UBE3C: variants seen among roughly 807,000 people sequenced by gnomAD.
UBE3C encodes ubiquitin-protein ligase E3C.
A neutral mutation model predicts 129.4 loss-of-function variants in UBE3C; 42 were observed. That is an observed-to-expected ratio of 0.32 (90% CI 0.25 to 0.42). UBE3C has a LOEUF of 0.42. Among genes scored for constraint, UBE3C ranks in the 10% least tolerant of loss-of-function variants. UBE3C has a pLI of 1.00. For synonymous variants in UBE3C, 510 were observed against 492.4 expected (o/e 1.04, Z -0.47); for missense variants, 1,049 against 1,319.1 (o/e 0.80, Z 3.17).
At chr7:157,195,816 A>G (rs1323673970) in intron 10 of UBE3C, among the ~76,000 whole-genome samples, 2 of 152,172 alleles carry the variant, frequency 1.3e-5, no homozygotes, top group African/African-American at 4.8e-5. Context: ...CCTATGAGTG[A>G]CGTAAATTTA....
chr7:157,208,054 ACTTTTT>A, intron 13 of UBE3C, 119 bp downstream of exon 13: 1 of 114,762 alleles, frequency 8.7e-6, no homozygotes, highest in Non-Finnish European at 1.8e-5. Context: ...AATTTGCAAG[ACTTTTT>A]TTTTTTTTTT....
chr7:157,251,541 GGT>G (rs1796620455), intron 19 of UBE3C, among the ~76,000 whole-genome samples: 4 of 152,254 alleles, frequency 2.6e-5, no homozygotes, highest in African/African-American at 9.6e-5. Context: ...ATCTCAGACG[GGT>G]GTGAGTGCCG....
intron 3 of UBE3C, among the ~76,000 whole-genome samples, 183 bp from the exon 4 acceptor site, chr7:157,170,121 T>TG (rs1808325425): frequency 2.6e-5 from 4 of 151,782 alleles, no homozygotes; most frequent in African/African-American, 9.7e-5. Context: ...TGCCTGGTTT[T>TG]TTTTTTTTTT....
chr7:157,248,875 G>A (rs1392521539), intron 19 of UBE3C, among the ~76,000 whole-genome samples: 1 of 152,146 alleles, frequency 6.6e-6, no homozygotes, highest in African/African-American at 2.4e-5. Context: ...TCTTCCCGGT[G>A]CTGGGGGTGG....
chr7:157,263,426 G>A (rs1241528807), intron 22 of UBE3C, among the ~76,000 whole-genome samples: 3 of 152,200 alleles, frequency 2.0e-5, no homozygotes, highest in African/African-American at 7.2e-5. Flanking sequence ...CACTTTGGGA[G>A]GCTGAGGCGG....
intron 13 of UBE3C, among the ~76,000 whole-genome samples, chr7:157,208,859 A>T (rs986174458): frequency 1.3e-5 from 2 of 152,206 alleles, no homozygotes; most frequent in Non-Finnish European, 2.9e-5. Flanking sequence ...ACATCTAGTC[A>T]GCTAAAATTG....
intron 18 of UBE3C, among the ~76,000 whole-genome samples, chr7:157,235,778 ACTCT>A (rs1194587252): frequency 6.6e-6 from 1 of 152,284 alleles, no homozygotes; most frequent in Non-Finnish European, 1.5e-5. Context: ...CCCTTACATT[ACTCT>A]CTGTGTGGAA....
intron 1 of UBE3C, among the ~76,000 whole-genome samples, chr7:157,161,655 T>C (rs59143683): frequency 1.3e-5 from 2 of 152,058 alleles, no homozygotes; most frequent in African/African-American, 4.8e-5. Context: ...GGTTTCACCA[T>C]GTAGCCCAGG....
chr7:157,185,929 G>A (rs1484916408), intron 9 of UBE3C, among the ~76,000 whole-genome samples: 4 of 151,962 alleles, frequency 2.6e-5, no homozygotes, highest in Non-Finnish European at 2.9e-5. Flanking sequence ...AGACAATACA[G>A]TCAGCAATAC....
At chr7:157,251,089 G>A (rs114177717) in intron 19 of UBE3C, among the ~76,000 whole-genome samples, 2,842 of 152,278 alleles carry the variant, frequency 0.019, 82 homozygotes, top group African/African-American at 0.065. Flanking sequence ...AGAGCCTAAT[G>A]AGAAAAATTA....
intron 1 of UBE3C, among the ~76,000 whole-genome samples, chr7:157,163,352 A>C (rs2116860566): frequency 6.8e-6 from 1 of 147,056 alleles, no homozygotes; most frequent in African/African-American, 2.5e-5. Flanking sequence ...ACACCACTGC[A>C]CTCCAGCCTG....
At chr7:157,180,087 G>A (rs1488999298) in intron 6 of UBE3C, among the ~76,000 whole-genome samples, 8 of 152,222 alleles carry the variant, frequency 5.3e-5, no homozygotes, top group Admixed American at 4.6e-4. Context: ...CCCAATATAC[G>A]AAATGCTTAA....
chr7:157,246,581 G>A (rs979645707), intron 18 of UBE3C, among the ~76,000 whole-genome samples: 1 of 152,122 alleles, frequency 6.6e-6, no homozygotes, highest in Non-Finnish European at 1.5e-5. Context: ...TAAAACAGTA[G>A]GATAAAGAGG....
At chr7:157,259,886 A>G (rs989937540) in intron 22 of UBE3C, among the ~76,000 whole-genome samples, 3 of 152,224 alleles carry the variant, frequency 2.0e-5, no homozygotes, top group African/African-American at 7.2e-5. Flanking sequence ...AAAATTGACT[A>G]TAAACTAACA....
At position 157,181,681 on chromosome 7, in the gene UBE3C, G is replaced by C. The variant is rs759698886; in HGVS notation, c.770+10G>C. 1 of 1,611,024 alleles carries C rather than the reference G, an allele frequency of 6.2e-7. No homozygotes were observed. The highest frequency in any genetic ancestry group is 1.7e-5 in the Admixed American group (1 of 59,092). On this transcript the variant is annotated intron_variant, in intron 7 of 22. Coordinates refer to ENST00000348165, the MANE Select transcript of UBE3C (RefSeq NM_014671.3). ...GTCCGGAAGGTGCGAGGTGAGACTG[G>C]AATGGATTTATTGATTTTGTCCTTT...
chr7:157,189,878 G>A (rs1808908540), intron 10 of UBE3C, among the ~76,000 whole-genome samples: 1 of 152,082 alleles, frequency 6.6e-6, no homozygotes, highest in African/African-American at 2.4e-5. Context: ...TCGGCTCACT[G>A]CAACCTCCAC....
Position 157,254,125 on chromosome 7 carries a change from G to A in UBE3C, c.2866G>A (p.Asp956Asn). 1 of 1,610,454 alleles carries A rather than the reference G, an allele frequency of 6.2e-7. No homozygotes were observed. The highest frequency in any genetic ancestry group is 8.5e-7 in the Non-Finnish European group (1 of 1,178,130). Residue 956 changes from aspartate to asparagine, a missense_variant, in exon 20 of 23, where the codon GAT (aspartate) becomes AAT (asparagine). By Grantham distance (23) the Asp-to-Asn change is conservative. Coordinates refer to ENST00000348165, the MANE Select transcript of UBE3C (RefSeq NM_014671.3). ...CAGCCTCGAGTGGCTCCGAATGTTTGATCAGCAAGAAATTCAGGTACCCTA... is the reference window on the plus strand; with the variant it reads ...CAGCCTCGAGTGGCTCCGAATGTTTAATCAGCAAGAAATTCAGGTACCCTA... ...VVSLEWLRMF[D>N]QQEIQVLISG...
chr7:157,230,942 T>A (rs1796007864), intron 17 of UBE3C, 138 bp from the exon 18 acceptor site: 1 of 1,240,416 alleles, frequency 8.1e-7, no homozygotes, highest in Non-Finnish European at 1.1e-6. Flanking sequence ...AATGATAATA[T>A]CATTGCTGTT....
chr7:157,242,056 T>A (rs1336360671), intron 18 of UBE3C, among the ~76,000 whole-genome samples: 1 of 152,220 alleles, frequency 6.6e-6, no homozygotes, highest in East Asian at 1.9e-4. Flanking sequence ...AATGAAAATC[T>A]TCAGAAATTG....
Sources: gnomAD v4.1 joint callset for allele counts (sites outside exome capture counted in the v4.1 genomes callset) on GRCh38, gnomAD v4.1.1 for gene constraint, MANE v1.5 for transcripts, NCBI Gene and HGNC (gene_info 2026-07-23, HGNC 2026-07-21) for gene names.